COL11A1: variants seen among roughly 807,000 people sequenced by gnomAD.
COL11A1 encodes the protein collagen type XI alpha 1 chain, also known as collagen alpha-1(XI) chain.
A neutral mutation model predicts 265.2 loss-of-function variants in COL11A1; 74 were observed. The observed-to-expected ratio is 0.28, with a 90% confidence interval of 0.23 to 0.34. The LOEUF (loss-of-function observed/expected upper bound fraction) is 0.34. Ranked by LOEUF, COL11A1 falls within the 10% of genes least tolerant of loss-of-function variation. The pLI is 1.00. For synonymous variants in COL11A1, 816 were observed against 727.6 expected, an observed-to-expected ratio of 1.12 and a Z score of -1.96; for missense variants, 2,165 against 2,263.6, an observed-to-expected ratio of 0.96 and a Z score of 0.88.
At chr1:103,074,420 C>G (rs1036886079) in intron 4 of COL11A1, among the ~76,000 whole-genome samples, 198 bp downstream of exon 4, 1 of 152,054 alleles carries the variant, frequency 6.6e-6, no homozygotes, top group East Asian at 1.9e-4. Flanking sequence ...CCAGGCGTTA[C>G]GGTCACCATT....
At chr1:103,004,346 T>C in intron 20 of COL11A1, 98 bp downstream of exon 20, 1 of 916,466 alleles carries the variant, frequency 1.1e-6, no homozygotes, top group South Asian at 1.5e-5. Context: ...AAGACTGCAA[T>C]GTTTACCTGG....
intron 4 of COL11A1, among the ~76,000 whole-genome samples, chr1:103,063,238 C>T (rs1453086182): frequency 2.6e-5 from 4 of 151,904 alleles, no homozygotes; most frequent in African/African-American, 9.7e-5. Context: ...AGAAGAAAAA[C>T]ATCCAGAATA....
chr1:103,021,246 G>A (rs1274415913), intron 9 of COL11A1, among the ~76,000 whole-genome samples: 2 of 151,402 alleles, frequency 1.3e-5, no homozygotes, highest in African/African-American at 4.8e-5. Flanking sequence ...AGATGAAAAG[G>A]AAGTAAAAAA....
At chr1:102,975,312 C>T (rs542741568) in intron 35 of COL11A1, among the ~76,000 whole-genome samples, 37 of 151,388 alleles carry the variant, frequency 2.4e-4, no homozygotes, top group African/African-American at 8.2e-4. Context: ...ATCTTCTATC[C>T]CTGTTCTGTA....
chr1:103,067,124 A>G (rs1370205329), intron 4 of COL11A1, among the ~76,000 whole-genome samples: 5 of 152,000 alleles, frequency 3.3e-5, no homozygotes, highest in African/African-American at 1.2e-4. Context: ...TAGACAAAAA[A>G]ATAAGAAATA....
intron 46 of COL11A1, 85 bp downstream of exon 46, chr1:102,934,364 A>G: frequency 1.0e-6 from 1 of 995,872 alleles, no homozygotes; most frequent in Non-Finnish European, 1.6e-6. Context: ...AAAAAAAGAA[A>G]AAAATACTTT....
intron 11 of COL11A1, 56 bp from the exon 12 acceptor site, chr1:103,015,798 G>T (rs916625199): frequency 8.2e-7 from 1 of 1,219,416 alleles, no homozygotes; most frequent in African/African-American, 1.5e-5. Context: ...ATATTTACTA[G>T]AACTAGAATA....
intron 65 of COL11A1, among the ~76,000 whole-genome samples, chr1:102,881,070 A>T (rs1409734141): frequency 2.6e-5 from 4 of 152,094 alleles, no homozygotes; most frequent in Non-Finnish European, 5.9e-5. Context: ...TTTTCAAAGA[A>T]AATTAAACAA....
intron 20 of COL11A1, 65 bp from the exon 21 acceptor site, chr1:103,003,333 T>G (rs1256241296): frequency 6.9e-7 from 1 of 1,457,530 alleles, no homozygotes; most frequent in East Asian, 2.3e-5. Flanking sequence ...CATGCCTCTT[T>G]CAATGAAGAA....
At chr1:102,990,928 G>C (rs532379597) in intron 28 of COL11A1, among the ~76,000 whole-genome samples, 4 of 152,214 alleles carry the variant, frequency 2.6e-5, no homozygotes, top group Non-Finnish European at 5.9e-5. Context: ...AGCTACTCGG[G>C]AGGCTGAGGC....
intron 1 of COL11A1, chr1:103,100,784 C>A (rs1478721327): frequency 6.6e-6 from 1 of 151,936 alleles, no homozygotes; most frequent in Non-Finnish European, 1.5e-5. Context: ...AGCTTGGCAG[C>A]ATTCAAATTC....
chr1:103,104,336 C>A (rs1674525014), intron 1 of COL11A1, among the ~76,000 whole-genome samples: 2 of 151,942 alleles, frequency 1.3e-5, no homozygotes, highest in Non-Finnish European at 2.9e-5. Context: ...AAAGCCAACC[C>A]ATAAATTTGA....
At position 102,888,848 on chromosome 1, in the gene COL11A1, A is replaced by T; in HGVS notation, c.4518+18T>A. The T allele has an allele frequency of 6.2e-7, 1 of 1,612,298 alleles. No homozygotes were observed. The highest frequency in any genetic ancestry group is 8.5e-7 in the Non-Finnish European group (1 of 1,178,362). ...TAACTTAACCCTACCTTATAAGGTT[A>T]TTTTGTCTTGTACTTACTGGTAAAC... On this transcript the variant is annotated intron_variant, in intron 60 of 66. Transcript: ENST00000370096.
chr1:103,010,326 C>G (rs1431328696), intron 14 of COL11A1, among the ~76,000 whole-genome samples: 1 of 152,096 alleles, frequency 6.6e-6, no homozygotes, highest in East Asian at 1.9e-4. Flanking sequence ...TTGATGCAAA[C>G]ATCAAATTTG....
chr1:102,942,075 G>A (rs1658780848), intron 42 of COL11A1, among the ~76,000 whole-genome samples: 2 of 152,082 alleles, frequency 1.3e-5, no homozygotes, highest in South Asian at 4.2e-4. Context: ...TAAGAAGGAT[G>A]CCCCTGATGT....
intron 65 of COL11A1, among the ~76,000 whole-genome samples, chr1:102,881,245 T>A (rs1056995130): frequency 6.6e-6 from 1 of 152,054 alleles, no homozygotes; most frequent in Non-Finnish European, 1.5e-5. Context: ...CTGGTAATTG[T>A]ATGGAAATCT....
chr1:102,916,851 A>T (rs1246621291), intron 49 of COL11A1, among the ~76,000 whole-genome samples: 1 of 152,008 alleles, frequency 6.6e-6, no homozygotes, highest in Non-Finnish European at 1.5e-5. Flanking sequence ...TATATTATTT[A>T]TAAAGAGAGG....
chr1:102,984,714 A>G (rs1480216340), intron 30 of COL11A1, among the ~76,000 whole-genome samples: 1 of 152,050 alleles, frequency 6.6e-6, no homozygotes, highest in Non-Finnish European at 1.5e-5. Flanking sequence ...AGAAATTCAG[A>G]ATTAAATTTT....
Position 102,923,372 on chromosome 1 carries a change from A to C in COL11A1, c.3618T>G (p.Pro1206=), listed in dbSNP as rs1656207230. ...CATCCCCATTTTCACCTTTTTCACCAGGTGGGCCTGGCAGACCCTAAGAAA... is the reference window on the plus strand; with the variant it reads ...CATCCCCATTTTCACCTTTTTCACCCGGTGGGCCTGGCAGACCCTAAGAAA... ...PIGLQGLPGP[P]GEKGENGDVG... is the part of the protein sequence containing the mutation. The change falls in exon 47 of 67, where the codon CCT becomes CCG. Residue 1206 remains proline (P), a synonymous_variant. Coordinates refer to ENST00000370096, the MANE Select transcript of COL11A1 (RefSeq NM_001854.4). 2 of 1,604,694 alleles carry C rather than the reference A, an allele frequency of 1.2e-6. No individual in the cohort carries two copies. Among genetic ancestry groups the C allele is most frequent in the Non-Finnish European group, 1.7e-6 (2 of 1,174,606 alleles).
Sources: gnomAD v4.1 joint callset for allele counts (sites outside exome capture counted in the v4.1 genomes callset) on GRCh38, gnomAD v4.1.1 for gene constraint, MANE v1.5 for transcripts, NCBI Gene and HGNC (gene_info 2026-07-23, HGNC 2026-07-21) for gene names.